ELF2: variants seen among roughly 807,000 people sequenced by gnomAD.
ELF2 encodes E74 like ETS transcription factor 2, also known as ETS-related transcription factor Elf-2.
ELF2 carries 11 observed loss-of-function variants against 54.8 expected under a neutral mutation model. The observed-to-expected ratio is 0.20, with a 90% CI of 0.13 to 0.33. The LOEUF (loss-of-function observed/expected upper bound fraction) is 0.33. Ranked by LOEUF, ELF2 falls within the 10% of genes least tolerant of loss-of-function variation. The pLI, the probability that ELF2 is intolerant of heterozygous loss-of-function variation, is 1.00. For missense variants in ELF2, 513 were observed against 703.0 expected (o/e 0.73, Z 3.06); for synonymous variants, 203 against 245.1 (o/e 0.83, Z 1.61).
At chr4:139,168,317 C>T (rs1355228251) in intron 1 of ELF2, among the ~76,000 whole-genome samples, 1 of 152,164 alleles carries the variant, frequency 6.6e-6, no homozygotes, top group Non-Finnish European at 1.5e-5. Context: ...GGCTCAAAAC[C>T]ATTATGTAAA....
At chr4:139,135,680 A>G (rs959034352) in intron 3 of ELF2, among the ~76,000 whole-genome samples, 2 of 152,256 alleles carry the variant, frequency 1.3e-5, no homozygotes, top group African/African-American at 4.8e-5. Context: ...GTGGCCACTT[A>G]CGTAGCATAA....
chr4:139,160,704 T>C (rs531100802), intron 1 of ELF2, among the ~76,000 whole-genome samples: 1 of 152,330 alleles, frequency 6.6e-6, no homozygotes, highest in East Asian at 1.9e-4. Context: ...GGCTCACACC[T>C]GTAATTCTAG....
intron 6 of ELF2, among the ~76,000 whole-genome samples, chr4:139,068,262 G>A (rs757974882): frequency 3.3e-5 from 5 of 152,112 alleles, no homozygotes; most frequent in Non-Finnish European, 7.3e-5. Flanking sequence ...CTCGTGATCC[G>A]TCCGCCTCGG....
intron 1 of ELF2, among the ~76,000 whole-genome samples, chr4:139,173,995 G>A (rs1160131271): frequency 4.3e-4 from 64 of 150,022 alleles, no homozygotes; most frequent in Non-Finnish European, 3.9e-4. Context: ...AGGCCAAGGC[G>A]GGCGGATCAC....
intron 1 of ELF2, among the ~76,000 whole-genome samples, chr4:139,139,955 G>T (rs1738545610): frequency 6.6e-6 from 1 of 152,028 alleles, no homozygotes; most frequent in South Asian, 2.1e-4. Context: ...TAGAGTTGGG[G>T]TCTCACTCTT....
At chr4:139,084,598 G>A (rs575179621) in intron 4 of ELF2, 5 of 194,688 alleles carry the variant, frequency 2.6e-5, no homozygotes, top group South Asian at 1.7e-4. Flanking sequence ...ACGGCTCCGG[G>A]AGCCGCGCGA....
intron 4 of ELF2, among the ~76,000 whole-genome samples, chr4:139,114,477 G>A (rs1178148341): frequency 6.6e-6 from 1 of 151,536 alleles, no homozygotes; most frequent in African/African-American, 2.4e-5. Context: ...GCTGAGGCAG[G>A]AGAATCGCTT....
rs1005159693 is a variant in ELF2 at position 139,083,464 on chromosome 4, T to C, written c.239-9897A>G. Among the ~76,000 whole-genome samples the C allele has an allele frequency of 2.0e-5, 3 of 152,242 alleles. No individual in the cohort carries two copies. In the South Asian group the frequency reaches 6.2e-4, roughly 32 times the overall value. On this transcript the variant is annotated intron_variant, in intron 4 of 9. Coordinates refer to ENST00000686138, the MANE Select transcript of ELF2 (RefSeq NM_001331036.3). ...GCGGGCCCCTGAAACATCATCCCGGTTACTCAACATTATTAAGTGACCCTG... is the reference window on the plus strand; with the variant it reads ...GCGGGCCCCTGAAACATCATCCCGGCTACTCAACATTATTAAGTGACCCTG...
At chr4:139,168,147 C>G (rs192226677) in intron 1 of ELF2, among the ~76,000 whole-genome samples, 5 of 152,160 alleles carry the variant, frequency 3.3e-5, no homozygotes, top group Non-Finnish European at 5.9e-5. Flanking sequence ...AATGTCTGTG[C>G]TATTACTAAT....
At chr4:139,171,917 AAAAC>A (rs1248615506) in intron 1 of ELF2, among the ~76,000 whole-genome samples, 6 of 152,322 alleles carry the variant, frequency 3.9e-5, no homozygotes, top group African/African-American at 1.2e-4. Context: ...GAGTGACTCA[AAAAC>A]AAACAAATTC....
chr4:139,121,889 T>C (rs1199818908), intron 4 of ELF2, among the ~76,000 whole-genome samples: 1 of 152,242 alleles, frequency 6.6e-6, no homozygotes, highest in East Asian at 1.9e-4. Flanking sequence ...GAGGGAAACG[T>C]AGACTGTTAA....
At position 139,059,088 on chromosome 4, in the gene ELF2, T is replaced by G; in HGVS notation, c.1677A>C (p.Ala559=). 6.2e-7 allele frequency: 1 copy of G among 1,614,010 alleles called. No individual in the cohort carries two copies. The highest frequency in any genetic ancestry group is 1.1e-5 in the South Asian group (1 of 91,080). The change falls in exon 10 of 10, where the codon GCA becomes GCC. Residue 559 remains alanine, a synonymous_variant. Transcript: ENST00000686138. ...KTLQLVEEKP[A]DGNKTVTHVV... is the part of the protein sequence containing the mutation. ...CGTGGGTCACTGTCTTATTTCCATC[T>G]GCTGGTTTTTCTTCTACTAGCTGCA... is the stretch of plus-strand genomic sequence containing the variant.
chr4:139,086,903 GTTTAT>G (rs964696978), intron 4 of ELF2, among the ~76,000 whole-genome samples: 1 of 152,108 alleles, frequency 6.6e-6, no homozygotes, highest in African/African-American at 2.4e-5. Context: ...TTAATGAAAT[GTTTAT>G]TTTTTCAGAG....
chr4:139,093,894 ATC>A (rs751640500), intron 4 of ELF2, among the ~76,000 whole-genome samples: 6 of 126,820 alleles, frequency 4.7e-5, no homozygotes, highest in African/African-American at 1.5e-4. Flanking sequence ...CTTGACTAAC[ATC>A]TTTTTTTTTT....
At chr4:139,152,439 A>G (rs1740099128) in intron 1 of ELF2, among the ~76,000 whole-genome samples, 1 of 151,726 alleles carries the variant, frequency 6.6e-6, no homozygotes, top group South Asian at 2.1e-4. Flanking sequence ...AGCTCAAGTG[A>G]TCCTCCCACC....
chr4:139,124,969 TAC>T (rs1490146532), intron 4 of ELF2, among the ~76,000 whole-genome samples, 193 bp downstream of exon 4: 1 of 152,234 alleles, frequency 6.6e-6, no homozygotes, highest in African/African-American at 2.4e-5. Context: ...ATGAGACTGT[TAC>T]ACCTCATAGA....
At position 139,079,062 on chromosome 4, in the gene ELF2, A is replaced by G. The variant is rs545163564; in HGVS notation, c.239-5495T>C. Among the ~76,000 whole-genome samples, 9 of 151,828 alleles carry G rather than the reference A, an allele frequency of 5.9e-5. No homozygotes were observed. In the South Asian group the frequency reaches 1.3e-3, roughly 21 times the overall value. On this transcript the variant is annotated intron_variant, in intron 4 of 9. Coordinates refer to ENST00000686138, the MANE Select transcript of ELF2 (RefSeq NM_001331036.3). ...TACCTCAGCGTCTCAAGTAGATGAG[A>G]CCACAGGCACGCATCAGCACACCCA...
intron 1 of ELF2, among the ~76,000 whole-genome samples, chr4:139,160,179 T>G (rs1401263545): frequency 6.6e-6 from 1 of 152,030 alleles, no homozygotes; most frequent in Non-Finnish European, 1.5e-5. Context: ...CTACTAAAAG[T>G]ACAAAAAATT....
intron 3 of ELF2, among the ~76,000 whole-genome samples, chr4:139,125,779 CAAAAAA>C (rs367767700): frequency 0.33 from 31,911 of 96,412 alleles, 3,635 homozygotes; most frequent in Non-Finnish European, 0.35. Flanking sequence ...AGTCTGGCAG[CAAAAAA>C]AAAAAAAAAA....
Sources: gnomAD v4.1 joint callset for allele counts (sites outside exome capture counted in the v4.1 genomes callset) on GRCh38, gnomAD v4.1.1 for gene constraint, MANE v1.5 for transcripts, NCBI Gene and HGNC (gene_info 2026-07-23, HGNC 2026-07-21) for gene names.